EEF2K: variants seen among roughly 807,000 people sequenced by gnomAD.
The protein encoded by EEF2K is alternative protein EEF2K.
In EEF2K, 70 loss-of-function variants were observed where a neutral mutation model predicts 93.8. The observed-to-expected ratio is 0.75, with a 90% CI of 0.62 to 0.91. EEF2K has a LOEUF of 0.91. Ranked by LOEUF, EEF2K falls within the 40% of genes least tolerant of loss-of-function variation. EEF2K has a pLI of 0.00. For missense variants in EEF2K, 935 were observed against 972.9 expected, an observed-to-expected ratio of 0.96 and a Z score of 0.52; for synonymous variants, 376 against 380.8, an observed-to-expected ratio of 0.99 and a Z score of 0.15.
At position 22,287,397 on chromosome 16, in the gene EEF2K, A is replaced by G. The variant is rs1366427151; in HGVS notation, c.*3401A>G. 1 of 152,252 alleles carries G rather than the reference A, an allele frequency of 6.6e-6. No individual in the cohort carries two copies. Among genetic ancestry groups the G allele is most frequent in the Non-Finnish European group, 1.5e-5 (1 of 68,042 alleles). The allele number at this position is 152,252 out of a possible 1,614,324, so 9.4% of individuals were successfully genotyped here. ...AGGACATTCCAGCCCAACTGGGACG[A>G]TATCAGAGACCATCTTCAAGTGCAA... On this transcript the variant is annotated 3_prime_UTR_variant, in exon 18 of 18. Transcript: ENST00000263026.
In EEF2K at chr16:22,234,097, C is replaced by A. The variant is rs144173818; in HGVS notation, c.246+8122C>A. Among the ~76,000 whole-genome samples the A allele has an allele frequency of 2.2e-4, 34 of 152,328 alleles. No individual in the cohort carries two copies. In the South Asian group the frequency reaches 3.1e-3, roughly 14 times the overall value. On this transcript the variant is annotated intron_variant, in intron 2 of 17. Transcript: ENST00000263026. ...GGCGTGCCCACCAGAGGACCCCCCCCAGAGGTGAACTGGCTAGGCAAAACG... is the reference window on the plus strand; with the variant it reads ...GGCGTGCCCACCAGAGGACCCCCCCAAGAGGTGAACTGGCTAGGCAAAACG...
At chr16:22,278,245 C>T (rs1407596168) in intron 16 of EEF2K, among the ~76,000 whole-genome samples, 2 of 152,028 alleles carry the variant, frequency 1.3e-5, no homozygotes, top group Non-Finnish European at 2.9e-5. Context: ...GGGCTGAACT[C>T]GCCCTTTTAT....
intron 1 of EEF2K, among the ~76,000 whole-genome samples, chr16:22,212,808 C>T (rs924554850): frequency 6.6e-6 from 1 of 151,752 alleles, no homozygotes; most frequent in African/African-American, 2.4e-5. Context: ...ACCATCTCTA[C>T]AAAAAATTTT....
At position 22,264,812 on chromosome 16, in the gene EEF2K, G is replaced by A. The variant is rs780310416; in HGVS notation, c.1378-6G>A. On this transcript the variant is annotated splice_polypyrimidine_tract_variant and splice_region_variant and intron_variant, in intron 12 of 17. Coordinates refer to ENST00000263026, the MANE Select transcript of EEF2K (RefSeq NM_013302.5). ...TTGGATCAGTGTAATTTCTTCCTCC[G>A]TTCAGGGCCACTCATACAGTAATCG... The A allele has an allele frequency of 1.2e-5, 19 of 1,613,692 alleles. No homozygotes were observed. The Admixed American group carries it at 1.5e-4, about 13-fold the overall frequency.
chr16:22,270,991 A>G (rs1249197052), intron 15 of EEF2K, among the ~76,000 whole-genome samples: 1 of 139,088 alleles, frequency 7.2e-6, no homozygotes, highest in Non-Finnish European at 1.5e-5. Flanking sequence ...TTTTTTTGAG[A>G]CAGGCTCTCG....
intron 2 of EEF2K, 79 bp downstream of exon 2, chr16:22,226,054 G>A: frequency 1.3e-6 from 2 of 1,566,368 alleles, no homozygotes; most frequent in Non-Finnish European, 8.7e-7. Context: ...GCTGGTTGGG[G>A]ACTTCTTCGT....
In EEF2K at chr16:22,248,627, T is replaced by G. The variant is rs1380576849; in HGVS notation, c.348-128T>G. 2.7e-6 allele frequency: 3 copies of G among 1,095,138 alleles called. No homozygotes were observed. In the Admixed American group the frequency reaches 6.2e-5, roughly 23 times the overall value. 67.8% of individuals were successfully genotyped at this position (1,095,138 alleles called of 1,614,324 possible). A position where few individuals can be genotyped will look rare whatever the true frequency, so the allele number is the denominator to read the frequency against. On this transcript the variant is annotated intron_variant, in intron 3 of 17. Coordinates refer to ENST00000263026, the MANE Select transcript of EEF2K (RefSeq NM_013302.5). ...CCAACCCAGGAGGTTGGCTGGGCTATGGGCCAAGGTGGAGAGTGGGTTGGT... is the reference window on the plus strand; with the variant it reads ...CCAACCCAGGAGGTTGGCTGGGCTAGGGGCCAAGGTGGAGAGTGGGTTGGT...
intron 16 of EEF2K, among the ~76,000 whole-genome samples, chr16:22,279,227 T>C (rs1228083439): frequency 6.8e-6 from 1 of 147,710 alleles, no homozygotes; most frequent in Admixed American, 6.7e-5. Flanking sequence ...GGAAAGCAAC[T>C]TGACTCCTCT....
intron 16 of EEF2K, among the ~76,000 whole-genome samples, chr16:22,276,475 A>G (rs1030453904): frequency 2.6e-5 from 4 of 152,290 alleles, no homozygotes; most frequent in Middle Eastern, 3.4e-3. Context: ...TGCAAAGAAC[A>G]TTAATTAAGG....
At chr16:22,265,860 CA>C (rs1487968112) in intron 13 of EEF2K, among the ~76,000 whole-genome samples, 4 of 152,250 alleles carry the variant, frequency 2.6e-5, no homozygotes, top group Middle Eastern at 6.8e-3. Flanking sequence ...CAGAGGAAAG[CA>C]AGGGGATTTG....
intron 16 of EEF2K, 144 bp downstream of exon 16, chr16:22,273,894 C>T: frequency 8.1e-7 from 1 of 1,233,082 alleles, no homozygotes; most frequent in Non-Finnish European, 1.1e-6. Flanking sequence ...TTTTACCTCC[C>T]TGGCCTCAGT....
At position 22,225,857 on chromosome 16, in the gene EEF2K, C is replaced by T. The variant is rs781199038; in HGVS notation, c.128C>T (p.Thr43Met). The change falls in exon 2 of 18, where the codon ACG becomes ATG. Residue 43 changes from threonine to methionine, a missense_variant. Thr to Met is a moderately conservative substitution (Grantham distance 81). Transcript: ENST00000263026. Reference protein sequence around the residue: ...DEEGYFICPITDDPSSNQNVN... With the variant: ...DEEGYFICPIMDDPSSNQNVN... ...GAAGGTTACTTCATCTGCCCCATCA[C>T]GGATGACCCAAGCTCGAACCAGAAT... 1.2e-6 allele frequency: 2 copies of T among 1,614,230 alleles called. No individual in the cohort carries two copies. Among genetic ancestry groups the T allele is most frequent in the Admixed American group, 1.7e-5 (1 of 60,018 alleles).
chr16:22,245,090 C>T (rs1328037289), intron 3 of EEF2K, among the ~76,000 whole-genome samples: 1 of 151,924 alleles, frequency 6.6e-6, no homozygotes, highest in Non-Finnish European at 1.5e-5. Flanking sequence ...GGTGAAACCC[C>T]ATCTCTACTA....
At chr16:22,266,611 C>A in intron 14 of EEF2K, 77 bp from the exon 15 acceptor site, 1 of 1,589,766 alleles carries the variant, frequency 6.3e-7, no homozygotes, top group Non-Finnish European at 8.6e-7. Context: ...CACTTCCTCC[C>A]GCAGGCTGGC....
intron 2 of EEF2K, among the ~76,000 whole-genome samples, chr16:22,234,971 C>T (rs1380309479): frequency 3.4e-5 from 5 of 148,172 alleles, no homozygotes; most frequent in Admixed American, 2.1e-4. Context: ...ACCTCTGCCT[C>T]CCAGGTTCAA....
intron 11 of EEF2K, among the ~76,000 whole-genome samples, chr16:22,262,330 T>G (rs546185737): frequency 2.1e-4 from 32 of 152,122 alleles, no homozygotes; most frequent in African/African-American, 6.7e-4. Context: ...GCCAATATGG[T>G]GAAACCTCGT....
Position 22,266,486 on chromosome 16 carries a change from G to T in EEF2K, c.1537G>T (p.Asp513Tyr). Residue 513 changes from aspartate to tyrosine, a missense_variant, in exon 14 of 18, where the codon GAC becomes TAC. Transcript: ENST00000263026. ...ALEVQRLNAL[D>Y]LEKKIGKSIL... ...GGAAGTGCAAAGGCTTAATGCTCTG[G>T]ACCTCGAAAAGAAAATCGGGAAGTC... is the stretch of plus-strand genomic sequence containing the variant. 6.2e-7 allele frequency: 1 copy of T among 1,614,204 alleles called. No homozygotes were observed. Among genetic ancestry groups the T allele is most frequent in the Non-Finnish European group, 8.5e-7 (1 of 1,180,042 alleles).
At chr16:22,267,813 G>A (rs1024207648) in intron 15 of EEF2K, among the ~76,000 whole-genome samples, 7 of 152,170 alleles carry the variant, frequency 4.6e-5, no homozygotes, top group Non-Finnish European at 8.8e-5. Context: ...GGGAAATTGC[G>A]TAGGAGCCTG....
chr16:22,275,893 C>T (rs979534702), intron 16 of EEF2K, among the ~76,000 whole-genome samples: 5 of 152,120 alleles, frequency 3.3e-5, no homozygotes, highest in African/African-American at 1.2e-4. Flanking sequence ...CTGCCTGCCT[C>T]AGCCTCCCAA....
Sources: allele counts gnomAD v4.1 joint callset (sites outside exome capture counted in the v4.1 genomes callset), GRCh38; gene constraint gnomAD v4.1.1; transcripts MANE v1.5; gene names NCBI Gene and HGNC (gene_info 2026-07-23, HGNC 2026-07-21).